SANBR: variants seen among roughly 807,000 people sequenced by gnomAD.
The protein encoded by SANBR is SANT and BTB domain regulator of CSR.
SANBR carries 77 observed loss-of-function variants against 101.8 expected under a neutral mutation model. The observed-to-expected ratio is 0.76, with a 90% CI of 0.63 to 0.91. The LOEUF (loss-of-function observed/expected upper bound fraction) is 0.91. Ranked by LOEUF, SANBR falls within the 40% of genes least tolerant of loss-of-function variation. SANBR has a pLI of 0.00. For missense variants in SANBR, 875 were observed against 853.0 expected, an observed-to-expected ratio of 1.03 and a Z score of -0.32; for synonymous variants, 279 against 274.7, an observed-to-expected ratio of 1.02 and a Z score of -0.15.
At chr2:61,078,820 C>G (rs1218348982) in intron 6 of SANBR, among the ~76,000 whole-genome samples, 1 of 151,674 alleles carries the variant, frequency 6.6e-6, no homozygotes, top group Non-Finnish European at 1.5e-5. Context: ...GGGTGGATCA[C>G]TTGAGGCCAG....
At chr2:61,098,227 C>T (rs1028083149) in intron 12 of SANBR, among the ~76,000 whole-genome samples, 5 of 151,708 alleles carry the variant, frequency 3.3e-5, no homozygotes, top group African/African-American at 1.2e-4. Flanking sequence ...CCTCAGCCTT[C>T]TGAGTAGCTG....
At position 61,118,592 on chromosome 2, in the gene SANBR, T is replaced by G. The variant is rs547048879; in HGVS notation, c.2028+476T>G. Reference sequence around the variant, plus strand: ...TTTTTTTTTTTTTTTTTTTTTGAGATGGAGTCTCACTCACTGAGACTTGCA... The same window carrying G: ...TTTTTTTTTTTTTTTTTTTTTGAGAGGGAGTCTCACTCACTGAGACTTGCA... On this transcript the variant is annotated intron_variant, in intron 20 of 21. Transcript: ENST00000402291. Among the ~76,000 whole-genome samples the G allele has an allele frequency of 1.1e-4, 14 of 123,818 alleles. No individual in the cohort carries two copies. The Admixed American group carries it at 1.2e-3, about 10-fold the overall frequency. 81.2% of individuals were successfully genotyped at this position (123,818 alleles called of 152,430 possible).
chr2:61,096,398 C>A (rs1683032092), intron 11 of SANBR, among the ~76,000 whole-genome samples: 2 of 152,106 alleles, frequency 1.3e-5, no homozygotes, highest in Non-Finnish European at 2.9e-5. Context: ...GCCTCAGTTT[C>A]CCTTCTCCAA....
At chr2:61,119,694 A>T (rs1156737910) in intron 20 of SANBR, among the ~76,000 whole-genome samples, 1 of 152,216 alleles carries the variant, frequency 6.6e-6, no homozygotes, top group Non-Finnish European at 1.5e-5. Flanking sequence ...ACAGTGGCTC[A>T]CACCTGTAAT....
At chr2:61,075,012 G>A (rs1296290098) in intron 5 of SANBR, 1 of 150,548 alleles carries the variant, frequency 6.6e-6, no homozygotes, top group Non-Finnish European at 1.5e-5. Context: ...TGCCCAGTCT[G>A]GTCCTGAACT....
rs772508087 is a variant in SANBR, at chr2:61,103,939, G to A, written c.1452G>A (p.Leu484=). 6.2e-7 allele frequency: 1 copy of A among 1,614,104 alleles called. No individual in the cohort carries two copies. Among genetic ancestry groups the A allele is most frequent in the South Asian group, 1.1e-5 (1 of 91,090 alleles). The change falls in exon 13 of 22, where the codon TTG becomes TTA. Residue 484 remains leucine (L), a synonymous_variant. Transcript: ENST00000402291. ...DLPSCPTARM[L]DDLHKYRDVI... ...CGTCCTGTCCCACTGCTAGAATGTT[G>A]GACGATTTGCACAAGTACAGAGATG...
At chr2:61,090,622 C>G (rs1218555890) in intron 10 of SANBR, 1 of 152,878 alleles carries the variant, frequency 6.5e-6, no homozygotes, top group African/African-American at 2.4e-5. Flanking sequence ...GACTTTCAAG[C>G]AGTCCTCCCA....
rs984543126 is a variant in SANBR at position 61,122,906 on chromosome 2, G to C, written c.*744G>C. 1.0e-6 allele frequency: 1 copy of C among 985,172 alleles called. No homozygotes were observed. Among genetic ancestry groups the C allele is most frequent in the African/African-American group, 1.7e-5 (1 of 57,194 alleles). 61.0% of individuals were successfully genotyped at this position (985,172 alleles called of 1,614,324 possible). A position where few individuals can be genotyped will look rare whatever the true frequency, so the allele number is the denominator to read the frequency against. On this transcript the variant is annotated 3_prime_UTR_variant, in exon 22 of 22. Transcript: ENST00000402291. ...GTAAAATAACCATTGATAGTTTTAG[G>C]ATAGTAAATCATTTCTGTTATATGA...
At chr2:61,090,953 G>T (rs1258785359) in intron 10 of SANBR, among the ~76,000 whole-genome samples, 3 of 145,874 alleles carry the variant, frequency 2.1e-5, no homozygotes, top group South Asian at 2.2e-4. Context: ...CTGTCACCCA[G>T]GCTGGAGTGC....
chr2:61,129,796 A>G (rs945578017), intron 20 of SANBR, among the ~76,000 whole-genome samples: 2 of 152,118 alleles, frequency 1.3e-5, no homozygotes, highest in African/African-American at 4.8e-5. Context: ...AGCTATAAAT[A>G]TATATTTATA....
chr2:61,069,983 C>T (rs1292400963), intron 2 of SANBR, among the ~76,000 whole-genome samples: 2 of 152,106 alleles, frequency 1.3e-5, no homozygotes, highest in African/African-American at 2.4e-5. Flanking sequence ...TGGTTTGAAT[C>T]CTTGCTCTGC....
At chr2:61,070,256 A>G in intron 2 of SANBR, 86 bp from the exon 3 acceptor site, 1 of 915,700 alleles carries the variant, frequency 1.1e-6, no homozygotes, top group Non-Finnish European at 1.6e-6. Context: ...GATAATTATT[A>G]GGAATGAATT....
intron 6 of SANBR, among the ~76,000 whole-genome samples, chr2:61,077,783 C>T (rs1681873854): frequency 6.6e-6 from 1 of 152,162 alleles, no homozygotes; most frequent in Non-Finnish European, 1.5e-5. Flanking sequence ...TATTTTCAGT[C>T]CTGAGGTAAA....
intron 4 of SANBR, among the ~76,000 whole-genome samples, chr2:61,072,798 A>T: frequency 2.6e-5 from 2 of 76,490 alleles, no homozygotes; most frequent in Admixed American, 1.6e-4. Flanking sequence ...TTCCTGAGAG[A>T]CTCTTGCTTG....
rs566055100 is a variant in SANBR, at chr2:61,089,034, G to C, written c.1088+566G>C. 8 of 955,592 alleles carry C rather than the reference G, an allele frequency of 8.4e-6. No homozygotes were observed. In the South Asian group the frequency reaches 3.9e-4, roughly 46 times the overall value. 59.2% of individuals were successfully genotyped at this position (955,592 alleles called of 1,614,324 possible). On this transcript the variant is annotated intron_variant, in intron 10 of 21. Coordinates refer to ENST00000402291, the MANE Select transcript of SANBR (RefSeq NM_001129993.3). ...AATTATTGTATATTAATCTTGAAAG[G>C]TATTCTGGTTAGTGCCTTTAAAATG...
intron 20 of SANBR, among the ~76,000 whole-genome samples, chr2:61,119,530 TA>T (rs1454071659): frequency 6.6e-6 from 1 of 151,970 alleles, no homozygotes; most frequent in Non-Finnish European, 1.5e-5. Context: ...TAATAAAATT[TA>T]AAAACCTAAT....
chr2:61,093,176 G>C (rs1682859882), intron 11 of SANBR: 2 of 152,016 alleles, frequency 1.3e-5, no homozygotes, highest in African/African-American at 4.8e-5. Flanking sequence ...TAAAACTAGT[G>C]GCAAAAGCAA....
At chr2:61,077,271 T>C in intron 6 of SANBR, 113 bp downstream of exon 6, 1 of 731,900 alleles carries the variant, frequency 1.4e-6, no homozygotes, top group South Asian at 1.7e-5. Context: ...TTTATGCTCA[T>C]ATTAGTAACA....
intron 20 of SANBR, among the ~76,000 whole-genome samples, chr2:61,129,862 AT>A (rs1684632673): frequency 6.6e-6 from 1 of 152,106 alleles, no homozygotes; most frequent in African/African-American, 2.4e-5. Context: ...AAAGCTATAA[AT>A]ATATTTTTTC....
Sources: gnomAD v4.1 joint callset for allele counts (sites outside exome capture counted in the v4.1 genomes callset) on GRCh38, gnomAD v4.1.1 for gene constraint, MANE v1.5 for transcripts, NCBI Gene and HGNC (gene_info 2026-07-23, HGNC 2026-07-21) for gene names.